The following ZNF423 variants were observed in gnomAD, a reference collection of about 807,000 sequenced individuals.
ZNF423 encodes the protein Ebf-associated zinc finger protein.
In ZNF423, 12 loss-of-function variants were observed where a neutral mutation model predicts 95.8. The observed-to-expected ratio is 0.13, with a 90% CI of 0.08 to 0.20. The LOEUF is 0.20. ZNF423 is among the 10% of genes least tolerant of loss of function. The pLI, the probability that ZNF423 is intolerant of heterozygous loss-of-function variation, is 1.00. For synonymous variants in ZNF423, 749 were observed against 711.9 expected (o/e 1.05, Z -0.83); for missense variants, 1,316 against 1,737.1 (o/e 0.76, Z 4.31).
intron 3 of ZNF423, among the ~76,000 whole-genome samples, chr16:49,656,172 T>C (rs926530325): frequency 6.6e-6 from 1 of 152,132 alleles, no homozygotes; most frequent in Non-Finnish European, 1.5e-5. Context: ...GTGACTTTCT[T>C]ACCAGAGATG....
At chr16:49,531,317 G>A (rs111576528) in intron 5 of ZNF423, among the ~76,000 whole-genome samples, 6,186 of 151,630 alleles carry the variant, frequency 0.041, 451 homozygotes, top group African/African-American at 0.14. Flanking sequence ...AGGTCCTGGG[G>A]CTCAGACACA....
Position 49,815,866 on chromosome 16 carries a change from C to CA in ZNF423, c.41-26321dup, listed in dbSNP as rs748352861. ...TTAAGTGTTACATTCTAATTCCAAA[C>CA]AAACAAAAAAAAAAAATATATATAT... On this transcript the variant is annotated intron_variant, in intron 1 of 7. Coordinates refer to ENST00000563137, the MANE Select transcript of ZNF423 (RefSeq NM_001379286.1). Among the ~76,000 whole-genome samples, 61 of 57,880 alleles carry CA rather than the reference C, an allele frequency of 1.1e-3. 1 individual carries two copies. The highest frequency in any genetic ancestry group is 4.1e-3 in the East Asian group (6 of 1,472). The allele number at this position is 57,880 out of a possible 152,430, so 38.0% of individuals were successfully genotyped here. A position where few individuals can be genotyped will look rare whatever the true frequency, so the allele number is the denominator to read the frequency against.
intron 3 of ZNF423, among the ~76,000 whole-genome samples, chr16:49,720,139 T>C (rs2032824220): frequency 3.9e-5 from 6 of 152,176 alleles, no homozygotes. Flanking sequence ...AGGGGGACCA[T>C]GGCTTTATGG....
intron 2 of ZNF423, among the ~76,000 whole-genome samples, chr16:49,752,583 G>A (rs890953197): frequency 6.6e-6 from 1 of 152,228 alleles, no homozygotes; most frequent in Non-Finnish European, 1.5e-5. Flanking sequence ...AGAGCAAGCA[G>A]GCTTGCTCCA....
At chr16:49,503,678 C>T (rs1967523422) in intron 7 of ZNF423, among the ~76,000 whole-genome samples, 1 of 152,226 alleles carries the variant, frequency 6.6e-6, no homozygotes, top group Admixed American at 6.5e-5. Flanking sequence ...CTTGCAGTGA[C>T]CTGGTTGTTG....
chr16:49,525,589 C>G, intron 5 of ZNF423, 95 bp from the exon 6 acceptor site: 6 of 1,538,928 alleles, frequency 3.9e-6, no homozygotes, highest in African/African-American at 1.4e-5. Context: ...CACTAACCCC[C>G]CTCCAATCCC....
At chr16:49,716,249 C>T (rs1024101325) in intron 3 of ZNF423, among the ~76,000 whole-genome samples, 2 of 152,256 alleles carry the variant, frequency 1.3e-5, no homozygotes, top group African/African-American at 4.8e-5. Flanking sequence ...CACAACACAC[C>T]CCACCAACCC....
Position 49,523,571 on chromosome 16 carries a change from C to T in ZNF423, c.3849+53G>A, listed in dbSNP as rs2287314. ...TTAACCCTGAGACCGTCGGTGCTGA[C>T]GGGGGAACCGAGGACCATCAGGCGG... On this transcript the variant is annotated intron_variant, in intron 7 of 7. Transcript: ENST00000563137. The T allele has an allele frequency of 0.54, 818,505 of 1,510,192 alleles. 224,716 individuals are homozygous for T. Among genetic ancestry groups the T allele is most frequent in the African/African-American group, 0.76 (55,152 of 72,958 alleles). The allele number at this position is 1,510,192 out of a possible 1,614,324, so 93.5% of individuals were successfully genotyped here.
chr16:49,765,077 C>A (rs1054857665), intron 2 of ZNF423, among the ~76,000 whole-genome samples: 1 of 152,052 alleles, frequency 6.6e-6, no homozygotes, highest in East Asian at 1.9e-4. Context: ...TTTCTTCCTG[C>A]AACCCCATTC....
chr16:49,762,274 C>T (rs964823480), intron 2 of ZNF423, among the ~76,000 whole-genome samples: 1 of 152,194 alleles, frequency 6.6e-6, no homozygotes, highest in Non-Finnish European at 1.5e-5. Context: ...TCATGGTGCA[C>T]GTCCCCCAGC....
chr16:49,498,788 G>A (rs1177546773), intron 7 of ZNF423, among the ~76,000 whole-genome samples: 3 of 152,192 alleles, frequency 2.0e-5, no homozygotes, highest in East Asian at 1.9e-4. Flanking sequence ...CTGCTTGTGA[G>A]CACTTATTTT....
At chr16:49,709,632 C>T (rs916860503) in intron 3 of ZNF423, among the ~76,000 whole-genome samples, 3 of 152,162 alleles carry the variant, frequency 2.0e-5, no homozygotes, top group Non-Finnish European at 2.9e-5. Context: ...ATGTTGAAAC[C>T]TAACCAAGAT....
At position 49,789,514 on chromosome 16, in the gene ZNF423, C is replaced by T. The variant is rs777866403; in HGVS notation, c.73G>A (p.Ala25Thr). Residue 25 changes from alanine (A) to threonine (T), a missense_variant, in exon 2 of 8, where the codon GCC becomes ACC. Coordinates refer to ENST00000563137, the MANE Select transcript of ZNF423 (RefSeq NM_001379286.1). ...EEGEASDFSLAWDSSVTAAGG... is the reference protein window; with the variant it reads ...EEGEASDFSLTWDSSVTAAGG... ...GCTGCTGTCACGGAGGAATCCCAGG[C>T]CAGCGAGAAGTCTGAGGCCTCCCCC... is the stretch of plus-strand genomic sequence containing the variant. The T allele has an allele frequency of 5.6e-6, 9 of 1,612,396 alleles. No homozygotes were observed. Among genetic ancestry groups the T allele is most frequent in the Middle Eastern group, 1.6e-4 (1 of 6,074 alleles).
At chr16:49,514,286 A>G (rs2151687838) in intron 7 of ZNF423, among the ~76,000 whole-genome samples, 1 of 151,632 alleles carries the variant, frequency 6.6e-6, no homozygotes, top group Middle Eastern at 3.4e-3. Context: ...ACCACTCTCC[A>G]TCACAGTACA....
intron 5 of ZNF423, among the ~76,000 whole-genome samples, chr16:49,543,437 C>T (rs773348149): frequency 9.2e-5 from 14 of 152,298 alleles, no homozygotes; most frequent in Non-Finnish European, 1.6e-4. Flanking sequence ...TAATCTGAGG[C>T]TCAATTCAGC....
intron 5 of ZNF423, among the ~76,000 whole-genome samples, chr16:49,564,805 C>T (rs1178995762): frequency 6.6e-6 from 1 of 152,214 alleles, no homozygotes; most frequent in African/African-American, 2.4e-5. Context: ...CCCTTGGTCC[C>T]CCGCCAGCAA....
chr16:49,626,720 CA>C (rs1324209295), intron 4 of ZNF423, among the ~76,000 whole-genome samples: 1 of 144,450 alleles, frequency 6.9e-6, no homozygotes, highest in African/African-American at 2.6e-5. Flanking sequence ...TCTACCCATC[CA>C]TCCATATACC....
At chr16:49,559,318 A>C (rs1230482348) in intron 5 of ZNF423, among the ~76,000 whole-genome samples, 3 of 152,366 alleles carry the variant, frequency 2.0e-5, no homozygotes, top group Non-Finnish European at 1.5e-5. Context: ...TACGGGAAAT[A>C]AAAAGAAAAA....
chr16:49,611,292 C>T (rs1971712598), intron 5 of ZNF423, among the ~76,000 whole-genome samples: 1 of 151,952 alleles, frequency 6.6e-6, no homozygotes, highest in African/African-American at 2.4e-5. Flanking sequence ...TAACTGAAAT[C>T]ATACATAGTG....
Sources: allele counts gnomAD v4.1 joint callset (sites outside exome capture counted in the v4.1 genomes callset), GRCh38; gene constraint gnomAD v4.1.1; transcripts MANE v1.5; gene names NCBI Gene and HGNC (gene_info 2026-07-23, HGNC 2026-07-21).